CNTN4: variants seen among roughly 807,000 people sequenced by gnomAD.
The protein encoded by CNTN4 is contactin 4.
In CNTN4, 77 loss-of-function variants were observed where a neutral mutation model predicts 122.5. The observed-to-expected ratio is 0.63, with a 90% CI of 0.52 to 0.76. The LOEUF is 0.76. Ranked by LOEUF, CNTN4 falls within the 30% of genes least tolerant of loss-of-function variation. The pLI, the probability that CNTN4 is intolerant of heterozygous loss-of-function variation, is 0.00. For synonymous variants in CNTN4, 512 were observed against 447.0 expected, an observed-to-expected ratio of 1.15 and a Z score of -1.83; for missense variants, 1,256 against 1,259.1, an observed-to-expected ratio of 1.00 and a Z score of 0.04.
At chr3:2,416,897 A>G (rs1038141028) in intron 3 of CNTN4, among the ~76,000 whole-genome samples, 1 of 151,636 alleles carries the variant, frequency 6.6e-6, no homozygotes, top group Admixed American at 6.6e-5. Context: ...CTTGTGATCC[A>G]CCTGCCTCAG....
intron 13 of CNTN4, among the ~76,000 whole-genome samples, chr3:2,967,013 A>G (rs1692388132): frequency 6.6e-6 from 1 of 152,204 alleles, no homozygotes; most frequent in African/African-American, 2.4e-5. Flanking sequence ...GGGAATTGCA[A>G]TAGAGAAAGT....
chr3:2,125,251 T>C (rs2125239427), intron 2 of CNTN4, among the ~76,000 whole-genome samples: 1 of 152,220 alleles, frequency 6.6e-6, no homozygotes, highest in East Asian at 1.9e-4. Flanking sequence ...TCACTTAGCA[T>C]ACTGTCTTCC....
At chr3:2,818,126 G>T (rs1425263422) in intron 6 of CNTN4, among the ~76,000 whole-genome samples, 1 of 152,180 alleles carries the variant, frequency 6.6e-6, no homozygotes, top group Admixed American at 6.5e-5. Flanking sequence ...GCCCCAACAG[G>T]ACGGAAGCTG....
At chr3:2,950,378 A>G (rs1459299769) in intron 13 of CNTN4, among the ~76,000 whole-genome samples, 1 of 152,208 alleles carries the variant, frequency 6.6e-6, no homozygotes, top group African/African-American at 2.4e-5. Flanking sequence ...GATTTGGACA[A>G]TGGGCCTGAA....
At chr3:2,495,526 T>A (rs934370590) in intron 3 of CNTN4, among the ~76,000 whole-genome samples, 1 of 152,230 alleles carries the variant, frequency 6.6e-6, no homozygotes, top group African/African-American at 2.4e-5. Flanking sequence ...ACAGGTTACC[T>A]GTCTGTGGCC....
intron 2 of CNTN4, among the ~76,000 whole-genome samples, chr3:2,191,941 C>T (rs36172139): frequency 0.7 from 105,051 of 150,968 alleles, 37,625 homozygotes; most frequent in South Asian, 0.83. Flanking sequence ...CAAGTGTTCT[C>T]ATTGTTCAGT....
Position 3,056,142 on chromosome 3 carries a change from G to A in CNTN4, c.3003G>A (p.Gly1001=), listed in dbSNP as rs775024309. The A allele has an allele frequency of 1.9e-6, 3 of 1,613,872 alleles. No individual in the cohort carries two copies. The highest frequency in any genetic ancestry group is 1.3e-5 in the African/African-American group (1 of 74,896). The part of the protein sequence containing the change: ...KISNAYARGS[G]ASTSNACTLS... ...CAGATGCCTACGCGAGAGGATCTGG[G>A]GCTTCCACTTCGAATGCATGTACGC... The change falls in exon 25 of 25, where the codon GGG becomes GGA. Residue 1001 remains glycine (G), a synonymous_variant. Coordinates refer to ENST00000418658, the MANE Select transcript of CNTN4 (RefSeq NM_175607.3).
chr3:2,102,786 T>C (rs910379454), intron 2 of CNTN4, among the ~76,000 whole-genome samples: 6 of 152,200 alleles, frequency 3.9e-5, no homozygotes, highest in South Asian at 2.1e-4. Flanking sequence ...CTGGGAAATA[T>C]AGTCTAGAAA....
chr3:2,615,564 A>G (rs1398804193), intron 4 of CNTN4, among the ~76,000 whole-genome samples: 2 of 111,924 alleles, frequency 1.8e-5, no homozygotes, highest in East Asian at 4.0e-4. Context: ...AATGAAGTTC[A>G]TCATCTATTT....
rs1391779577 is a variant in CNTN4 at position 2,499,714 on chromosome 3, A to G, written c.-88-71702A>G. On this transcript the variant is annotated intron_variant, in intron 3 of 24. Coordinates refer to ENST00000418658, the MANE Select transcript of CNTN4 (RefSeq NM_175607.3). Reference sequence around the variant, plus strand: ...TTTTTTATCTAGATTGCTTTATTCTAGGGTGCTTATCTTTCTATATAAATT... The same window carrying G: ...TTTTTTATCTAGATTGCTTTATTCTGGGGTGCTTATCTTTCTATATAAATT... Among the ~76,000 whole-genome samples the G allele has an allele frequency of 3.3e-5, 5 of 152,096 alleles. 1 individual carries two copies. The highest frequency in any genetic ancestry group is 7.4e-5 in the Non-Finnish European group (5 of 67,988).
rs550155081 is a variant in CNTN4 at position 2,608,468 on chromosome 3, A to G, written c.55+36910A>G. On this transcript the variant is annotated intron_variant, in intron 4 of 24. Coordinates refer to ENST00000418658, the MANE Select transcript of CNTN4 (RefSeq NM_175607.3). The stretch of plus-strand genomic sequence containing the variant: ...TAGTGAGACGCTGTCTGTTTAAAAA[A>G]GAAAGAAAGAAAGAAAAGAAACCCT... 9.9e-5 allele frequency among the ~76,000 whole-genome samples: 15 copies of G among 152,226 alleles called. No homozygotes were observed. In the South Asian group the frequency reaches 1.9e-3, roughly 19 times the overall value.
chr3:2,523,356 T>TAAAAAAAAA (rs67485307), intron 3 of CNTN4, among the ~76,000 whole-genome samples: 1 of 119,994 alleles, frequency 8.3e-6, no homozygotes, highest in Admixed American at 8.6e-5. Flanking sequence ...CAAGAGACCT[T>TAAAAAAAAA]AAAAAAAAAA....
At chr3:2,733,949 CAGT>C (rs1487419942) in intron 4 of CNTN4, among the ~76,000 whole-genome samples, 6 of 152,088 alleles carry the variant, frequency 3.9e-5, no homozygotes, top group Admixed American at 6.5e-5. Context: ...TAAGGAGAGA[CAGT>C]GGTAGTGGTG....
At chr3:2,902,728 G>T (rs2094188187) in intron 11 of CNTN4, 148 bp from the exon 12 acceptor site, 2 of 775,542 alleles carry the variant, frequency 2.6e-6, no homozygotes, top group Admixed American at 2.3e-5. Context: ...AAATTTAGCT[G>T]ACAGATAAAT....
chr3:2,802,995 C>A (rs1188044151), intron 6 of CNTN4, among the ~76,000 whole-genome samples: 3 of 151,880 alleles, frequency 2.0e-5, no homozygotes, highest in Non-Finnish European at 2.9e-5. Context: ...TCAAAGAATA[C>A]CAGAGAGTGA....
chr3:2,679,124 C>T (rs1477184935), intron 4 of CNTN4, among the ~76,000 whole-genome samples: 10 of 152,092 alleles, frequency 6.6e-5, no homozygotes, highest in Non-Finnish European at 1.5e-4. Flanking sequence ...AGCCGTTTTC[C>T]ATCCTGTTTC....
chr3:2,168,499 T>A (rs2036299363), intron 2 of CNTN4, among the ~76,000 whole-genome samples: 1 of 152,080 alleles, frequency 6.6e-6, no homozygotes, highest in African/African-American at 2.4e-5. Flanking sequence ...CATTCTTAAA[T>A]ATGAAAGATT....
chr3:3,054,066 C>A, intron 24 of CNTN4, 91 bp downstream of exon 24: 1 of 1,295,406 alleles, frequency 7.7e-7, no homozygotes, highest in Non-Finnish European at 1.1e-6. Context: ...ATTCAGCCTG[C>A]AAAAGCAGAC....
chr3:2,440,617 G>T (rs993271835), intron 3 of CNTN4, among the ~76,000 whole-genome samples: 1 of 151,754 alleles, frequency 6.6e-6, no homozygotes, highest in Non-Finnish European at 1.5e-5. Flanking sequence ...GTATCTATAC[G>T]TTGCAAAGCT....
Sources: gnomAD v4.1 joint callset for allele counts (sites outside exome capture counted in the v4.1 genomes callset) on GRCh38, gnomAD v4.1.1 for gene constraint, MANE v1.5 for transcripts, NCBI Gene and HGNC (gene_info 2026-07-23, HGNC 2026-07-21) for gene names.